NTRK3: variants seen among roughly 807,000 people sequenced by gnomAD.
NTRK3 encodes the protein neurotrophic receptor tyrosine kinase 3.
In NTRK3, 24 loss-of-function variants were observed where a neutral mutation model predicts 91.7. The observed-to-expected ratio is 0.26, with a 90% CI of 0.19 to 0.37. The LOEUF (loss-of-function observed/expected upper bound fraction) is 0.37, where lower values mean the gene tolerates loss of function less well. NTRK3 is among the 10% of genes least tolerant of loss of function. The pLI is 1.00. For synonymous variants in NTRK3, 483 were observed against 404.0 expected (o/e 1.20, Z -2.34); for missense variants, 880 against 1,068.9 (o/e 0.82, Z 2.46).
At chr15:88,058,725 C>T (rs1023641903) in intron 13 of NTRK3, among the ~76,000 whole-genome samples, 2 of 152,148 alleles carry the variant, frequency 1.3e-5, no homozygotes, top group African/African-American at 4.8e-5. Context: ...GCCCACAAGC[C>T]ACATGGCTGG....
intron 14 of NTRK3, among the ~76,000 whole-genome samples, chr15:88,018,617 G>C (rs750154307): frequency 1.3e-5 from 2 of 152,104 alleles, no homozygotes; most frequent in Non-Finnish European, 2.9e-5. Context: ...GGGGTGGTGG[G>C]CTCTGTCATA....
At chr15:87,972,405 A>T (rs966428447) in intron 14 of NTRK3, among the ~76,000 whole-genome samples, 2 of 152,196 alleles carry the variant, frequency 1.3e-5, no homozygotes, top group African/African-American at 2.4e-5. Context: ...TACTGGAACG[A>T]TGCCTTTGGG....
chr15:88,172,405 A>T (rs2045603255), intron 5 of NTRK3, among the ~76,000 whole-genome samples: 1 of 152,336 alleles, frequency 6.6e-6, no homozygotes, highest in East Asian at 1.9e-4. Flanking sequence ...GAGGGGGAAA[A>T]AAGAGAAGAA....
intron 13 of NTRK3, among the ~76,000 whole-genome samples, chr15:88,063,738 G>A (rs993275564): frequency 6.6e-6 from 1 of 152,158 alleles, no homozygotes; most frequent in African/African-American, 2.4e-5. Context: ...GCATGTGGTG[G>A]TGTTCAATGG....
intron 13 of NTRK3, among the ~76,000 whole-genome samples, chr15:88,040,769 G>A (rs1353790885): frequency 6.6e-6 from 1 of 151,620 alleles, no homozygotes; most frequent in Non-Finnish European, 1.5e-5. Flanking sequence ...GGATCCCTGT[G>A]GTTTACAAGA....
At chr15:88,088,164 C>T (rs1409278414) in intron 13 of NTRK3, among the ~76,000 whole-genome samples, 1 of 152,092 alleles carries the variant, frequency 6.6e-6, no homozygotes, top group Non-Finnish European at 1.5e-5. Context: ...GTCATGAAAC[C>T]TTCTGGGCCT....
chr15:87,993,149 C>A (rs2075416027), intron 14 of NTRK3, among the ~76,000 whole-genome samples: 1 of 152,228 alleles, frequency 6.6e-6, no homozygotes, highest in Admixed American at 6.5e-5. Flanking sequence ...CCAACATCTT[C>A]AAGTCCCAAC....
chr15:88,222,937 T>G (rs1343002065), intron 3 of NTRK3, among the ~76,000 whole-genome samples: 1 of 152,160 alleles, frequency 6.6e-6, no homozygotes, highest in Non-Finnish European at 1.5e-5. Flanking sequence ...CCCGCAGGAT[T>G]CTTTTGGGGT....
chr15:87,925,697 ATG>A (rs1406702489), intron 17 of NTRK3: 11 of 186,362 alleles, frequency 5.9e-5, no homozygotes, highest in Non-Finnish European at 1.2e-4. Context: ...AATCACCCAA[ATG>A]TGGACTTAGC....
chr15:87,990,211 T>C (rs2075180197), intron 14 of NTRK3, among the ~76,000 whole-genome samples: 1 of 152,156 alleles, frequency 6.6e-6, no homozygotes, highest in African/African-American at 2.4e-5. Flanking sequence ...TTCCTCAGGC[T>C]CACAGGTTCC....
intron 13 of NTRK3, among the ~76,000 whole-genome samples, chr15:88,035,812 A>G (rs978858745): frequency 5.9e-5 from 9 of 152,220 alleles, no homozygotes; most frequent in Non-Finnish European, 1.3e-4. Context: ...GATGTCAGTG[A>G]AAACACTGCA....
chr15:88,078,932 C>T (rs2047799681), intron 13 of NTRK3, among the ~76,000 whole-genome samples: 2 of 152,222 alleles, frequency 1.3e-5, no homozygotes, highest in Non-Finnish European at 2.9e-5. Flanking sequence ...TGGCTTTCCG[C>T]TGCATGCGAT....
chr15:87,960,958 C>T (rs1567156447), intron 14 of NTRK3, among the ~76,000 whole-genome samples: 1 of 152,216 alleles, frequency 6.6e-6, no homozygotes, highest in African/African-American at 2.4e-5. Flanking sequence ...ACTTCACCCC[C>T]CTGACTTTAC....
intron 13 of NTRK3, among the ~76,000 whole-genome samples, chr15:88,091,607 G>A (rs2049021251): frequency 6.6e-6 from 1 of 152,042 alleles, no homozygotes; most frequent in African/African-American, 2.4e-5. Context: ...TATCTGCCAT[G>A]GGCACAAGGG....
intron 13 of NTRK3, among the ~76,000 whole-genome samples, chr15:88,086,618 C>T (rs1347587303): frequency 2.0e-5 from 3 of 152,158 alleles, no homozygotes; most frequent in Non-Finnish European, 2.9e-5. Context: ...TTTGGTTGCA[C>T]ATTAGAATCC....
intron 14 of NTRK3, among the ~76,000 whole-genome samples, chr15:87,996,263 A>AATAAT (rs2075694919): frequency 6.6e-6 from 1 of 152,102 alleles, no homozygotes; most frequent in African/African-American, 2.4e-5. Flanking sequence ...AATAAAATAA[A>AATAAT]ATAAAATAAA....
In NTRK3 at chr15:88,234,345, T is replaced by C. The variant is rs2051486125; in HGVS notation, c.248+21561A>G. 6.6e-6 allele frequency among the ~76,000 whole-genome samples: 1 copy of C among 152,232 alleles called. No homozygotes were observed. The highest frequency in any genetic ancestry group is 6.5e-5 in the Admixed American group (1 of 15,292). On this transcript the variant is annotated intron_variant, in intron 3 of 18. Transcript: ENST00000394480. The surrounding 1 kb of genome is among the most constrained non-coding windows in gnomAD (Gnocchi z 6.1). Reference sequence around the variant, plus strand: ...AGCCCTGCATTTATATAGCAAGGCATATGCTAAACACTGGAAAGACAAAGA... The same window carrying C: ...AGCCCTGCATTTATATAGCAAGGCACATGCTAAACACTGGAAAGACAAAGA...
At chr15:88,210,002 C>CA (rs1351372144) in intron 3 of NTRK3, 1 of 152,336 alleles carries the variant, frequency 6.6e-6, no homozygotes, top group Non-Finnish European at 1.5e-5. Context: ...GCAGTACAGA[C>CA]ACTGTCCACA....
chr15:88,203,638 T>A (rs1196273006), intron 3 of NTRK3, among the ~76,000 whole-genome samples: 2 of 152,232 alleles, frequency 1.3e-5, no homozygotes, highest in East Asian at 3.9e-4. Context: ...ATCAGTAGGG[T>A]GACTATAGTT....
Sources: allele counts gnomAD v4.1 joint callset (sites outside exome capture counted in the v4.1 genomes callset), GRCh38; gene constraint gnomAD v4.1.1; non-coding constraint Gnocchi (gnomAD v3.1); transcripts MANE v1.5; gene names NCBI Gene and HGNC (gene_info 2026-07-23, HGNC 2026-07-21).